Variants in CRB1 observed in about 807,000 individuals in gnomAD.
CRB1 encodes protein crumbs homolog 1.
In CRB1, 83 loss-of-function variants were observed where a neutral mutation model predicts 120.0. The ratio of observed to expected loss-of-function variants is 0.69; its 90% CI spans 0.58 to 0.83. CRB1 has a LOEUF of 0.83. CRB1 is among the 40% of genes least tolerant of loss of function. The pLI, the probability that CRB1 is intolerant of heterozygous loss-of-function variation, is 0.00. For synonymous variants in CRB1, 625 were observed against 612.5 expected (o/e 1.02, Z -0.30); for missense variants, 1,699 against 1,687.6 (o/e 1.01, Z -0.12).
intron 5 of CRB1, among the ~76,000 whole-genome samples, chr1:197,400,304 CT>C (rs200472313): frequency 0.21 from 26,324 of 127,056 alleles, 2,594 homozygotes; most frequent in Middle Eastern, 0.36. Flanking sequence ...AATGTAAGAG[CT>C]TTTTTTTTTT....
intron 6 of CRB1, among the ~76,000 whole-genome samples, chr1:197,422,595 T>C (rs1664393688): frequency 6.6e-6 from 1 of 152,060 alleles, no homozygotes; most frequent in South Asian, 2.1e-4. Context: ...TAGAACTTGG[T>C]AGATGCCATA....
chr1:197,223,584 C>A, the CRB1 span, among the ~76,000 whole-genome samples: 5 of 152,022 alleles, frequency 3.3e-5, no homozygotes, highest in Admixed American at 3.3e-4. Flanking sequence ...TGGAAAAATG[C>A]ACTGAATTTA....
rs566314061 is a variant in CRB1, at chr1:197,388,006, A to C, written c.1171+30993A>C. Reference sequence around the variant, plus strand: ...AACTCATCTCTCTCTCTCTCTATATATATATATATATGCACACACATAGTA... The same window carrying C: ...AACTCATCTCTCTCTCTCTCTATATCTATATATATATGCACACACATAGTA... On this transcript the variant is annotated intron_variant, in intron 5 of 11. Coordinates refer to ENST00000367400, the MANE Select transcript of CRB1 (RefSeq NM_201253.3). Among the ~76,000 whole-genome samples, 312 of 151,902 alleles carry C rather than the reference A, an allele frequency of 2.1e-3. 1 individual carries two copies. Among genetic ancestry groups the C allele is most frequent in the South Asian group, 2.5e-3 (12 of 4,808 alleles).
At chr1:197,241,583 A>G in the CRB1 span, among the ~76,000 whole-genome samples, 1 of 152,146 alleles carries the variant, frequency 6.6e-6, no homozygotes, top group South Asian at 2.1e-4. Flanking sequence ...TACCAGTACC[A>G]TGCTGTTTTG....
intron 1 of CRB1, among the ~76,000 whole-genome samples, chr1:197,318,979 T>C (rs1658016766): frequency 6.6e-6 from 1 of 152,034 alleles, no homozygotes; most frequent in Non-Finnish European, 1.5e-5. Context: ...AGAGAAGTTT[T>C]TGAACTCATT....
intron 11 of CRB1, among the ~76,000 whole-genome samples, chr1:197,464,340 C>A (rs1290788860): frequency 6.6e-6 from 1 of 152,120 alleles, no homozygotes; most frequent in South Asian, 2.1e-4. Flanking sequence ...TCCTTGGAAA[C>A]AGGATTGGGG....
intron 1 of CRB1, among the ~76,000 whole-genome samples, chr1:197,327,120 A>AGC (rs149250421): frequency 1.4e-5 from 1 of 71,044 alleles, no homozygotes; most frequent in Non-Finnish European, 3.4e-5. Context: ...AAAAAAAAAA[A>AGC]AAAAAAAAAA....
chr1:197,271,543 A>G (rs1654909126), intron 1 of CRB1, among the ~76,000 whole-genome samples: 1 of 152,098 alleles, frequency 6.6e-6, no homozygotes, highest in South Asian at 2.1e-4. Flanking sequence ...TTGTTTTTAT[A>G]CCTGTTCCTT....
chr1:197,310,333 G>A (rs371255568), intron 1 of CRB1, among the ~76,000 whole-genome samples: 2 of 152,064 alleles, frequency 1.3e-5, no homozygotes, highest in Non-Finnish European at 1.5e-5. Flanking sequence ...GGAACACATC[G>A]TCTTTTGTCT....
intron 5 of CRB1, among the ~76,000 whole-genome samples, chr1:197,380,149 C>T (rs547222924): frequency 1.1e-4 from 17 of 152,268 alleles, no homozygotes; most frequent in African/African-American, 4.1e-4. Context: ...AAATTGAAGG[C>T]AGCATTCCTT....
In CRB1 at chr1:197,427,696, G is replaced by A; in HGVS notation, c.2371G>A (p.Gly791Arg). 1 of 1,613,800 alleles carries A rather than the reference G, an allele frequency of 6.2e-7. No homozygotes were observed. Among genetic ancestry groups the A allele is most frequent in the Non-Finnish European group, 8.5e-7 (1 of 1,179,924 alleles). ...AGTAGTAAAATTTGTTCTTAATGATGGAAATGTCCACTTGATATCTTTGAA... is the reference window on the plus strand; with the variant it reads ...AGTAGTAAAATTTGTTCTTAATGATAGAAATGTCCACTTGATATCTTTGAA... ...KLVVKFVLND[G>R]NVHLISLKIK... Residue 791 changes from glycine (G) to arginine (R), a missense_variant, in exon 7 of 12, where the codon GGA (glycine) becomes AGA (arginine). Physicochemically the swap from Gly to Arg is moderately radical, Grantham distance 125. Transcript: ENST00000367400.
intron 1 of CRB1, among the ~76,000 whole-genome samples, chr1:197,320,658 T>C (rs1264654234): frequency 6.6e-6 from 1 of 152,126 alleles, no homozygotes; most frequent in Non-Finnish European, 1.5e-5. Context: ...CAGAGGAAGA[T>C]GGGGATCAAG....
In CRB1 at chr1:197,421,147, A is replaced by C; in HGVS notation, c.1319A>C (p.Asp440Ala). 6.2e-7 allele frequency: 1 copy of C among 1,614,114 alleles called. No individual in the cohort carries two copies. The highest frequency in any genetic ancestry group is 8.5e-7 in the Non-Finnish European group (1 of 1,180,002). The change falls in exon 6 of 12, where the codon GAT (aspartate) becomes GCT (alanine). Residue 440 changes from aspartate to alanine, a missense_variant. Transcript: ENST00000367400. ...RTFYGGRDCSDILLGCTHQQC... is the reference protein window; with the variant it reads ...RTFYGGRDCSAILLGCTHQQC... ...TTTTATGGAGGAAGGGACTGTTCTG[A>C]TATTCTCCTGGGCTGTACCCATCAG...
chr1:197,432,731 G>A (rs1664933822), intron 8 of CRB1, among the ~76,000 whole-genome samples: 1 of 152,226 alleles, frequency 6.6e-6, no homozygotes. Context: ...GTGGTAATGG[G>A]AGCTATGAAG....
intron 11 of CRB1, 164 bp downstream of exon 11, chr1:197,442,456 T>C (rs1665503270): frequency 3.2e-6 from 5 of 1,544,088 alleles, no homozygotes; most frequent in Non-Finnish European, 4.3e-6. Context: ...AAAAAAGCCA[T>C]TGAATTTCAA....
intron 11 of CRB1, among the ~76,000 whole-genome samples, chr1:197,446,790 T>C (rs977932970): frequency 6.6e-6 from 1 of 152,140 alleles, no homozygotes; most frequent in Admixed American, 6.5e-5. Flanking sequence ...TCTAAGGGGG[T>C]GATAACTTAA....
In CRB1 at chr1:197,421,951, T is replaced by C. The variant is rs1326237908; in HGVS notation, c.2123T>C (p.Leu708Pro). 2 of 1,613,492 alleles carry C rather than the reference T, an allele frequency of 1.2e-6. No homozygotes were observed. Among genetic ancestry groups the C allele is most frequent in the Middle Eastern group, 1.6e-4 (1 of 6,084 alleles). ...CHRPYEGPNCLREYVAGRFGQ... is the reference protein window; with the variant it reads ...CHRPYEGPNCPREYVAGRFGQ... ...AGGCCCTATGAAGGCCCCAACTGTC[T>C]GAGAGGTGAGAGAAAGCTGAGTGCT... Residue 708 changes from leucine (L) to proline (P), a missense_variant, in exon 6 of 12, where the codon CTG (leucine) becomes CCG (proline). Coordinates refer to ENST00000367400, the MANE Select transcript of CRB1 (RefSeq NM_201253.3).
chr1:197,385,253 A>C (rs1662155770), intron 5 of CRB1, among the ~76,000 whole-genome samples: 1 of 152,158 alleles, frequency 6.6e-6, no homozygotes. Flanking sequence ...TGTCTTACTG[A>C]TTCTCAAATT....
chr1:197,225,795 C>T, the CRB1 span, among the ~76,000 whole-genome samples: 1 of 152,230 alleles, frequency 6.6e-6, no homozygotes, highest in Non-Finnish European at 1.5e-5. Context: ...GAAGCTTTCT[C>T]GCATACACAG....
Sources: gnomAD v4.1 joint callset for allele counts (sites outside exome capture counted in the v4.1 genomes callset) on GRCh38, gnomAD v4.1.1 for gene constraint, MANE v1.5 for transcripts, NCBI Gene and HGNC (gene_info 2026-07-23, HGNC 2026-07-21) for gene names.